Variants in OTUD4 observed in about 807,000 individuals in gnomAD.
The protein encoded by OTUD4 is OTU domain-containing protein 4.
A neutral mutation model predicts 130.4 loss-of-function variants in OTUD4; 24 were observed. The ratio of observed to expected loss-of-function variants is 0.18; its 90% CI spans 0.13 to 0.26. The LOEUF (loss-of-function observed/expected upper bound fraction) is 0.26. Ranked by LOEUF, OTUD4 falls within the 10% of genes least tolerant of loss-of-function variation. OTUD4 has a pLI of 1.00. For missense variants in OTUD4, 1,031 were observed against 1,329.4 expected (o/e 0.78, Z 3.49); for synonymous variants, 420 against 472.5 (o/e 0.89, Z 1.44).
At position 145,136,545 on chromosome 4, in the gene OTUD4, G is replaced by A. The variant is rs1424135158; in HGVS notation, c.*885C>T. 8.3e-6 allele frequency: 1 copy of A among 120,638 alleles called. No homozygotes were observed. Among genetic ancestry groups the A allele is most frequent in the Non-Finnish European group, 1.6e-5 (1 of 62,330 alleles). The allele number at this position is 120,638 out of a possible 1,614,324, so 7.5% of individuals were successfully genotyped here. ...AACATTTCTTCTCACAAAATATTTA[G>A]AATCTGTCAGTGCATTAGTGTTAAA... On this transcript the variant is annotated 3_prime_UTR_variant, in exon 21 of 21. Coordinates refer to ENST00000447906, the MANE Select transcript of OTUD4 (RefSeq NM_001366057.1).
chr4:145,156,390 ATACTC>A (rs1396483563), intron 7 of OTUD4, among the ~76,000 whole-genome samples: 3 of 152,238 alleles, frequency 2.0e-5, no homozygotes, highest in Non-Finnish European at 2.9e-5. Flanking sequence ...TTTATTAAAA[ATACTC>A]TACATCAGCC....
intron 6 of OTUD4, among the ~76,000 whole-genome samples, chr4:145,161,704 T>C (rs1246204374): frequency 2.0e-5 from 3 of 152,136 alleles, no homozygotes. Context: ...GGATGCTACT[T>C]AACATTCTGA....
intron 11 of OTUD4, among the ~76,000 whole-genome samples, chr4:145,151,613 T>G (rs1386144069): frequency 6.6e-6 from 1 of 152,040 alleles, no homozygotes; most frequent in African/African-American, 2.4e-5. Flanking sequence ...ATAGCCTGGG[T>G]GACAGGGCAA....
In OTUD4 at chr4:145,159,548, T is replaced by A; in HGVS notation, c.584A>T (p.Asp195Val). 2 of 1,613,600 alleles carry A rather than the reference T, an allele frequency of 1.2e-6. No individual in the cohort carries two copies. The highest frequency in any genetic ancestry group is 1.7e-6 in the Non-Finnish European group (2 of 1,179,656). Residue 195 changes from aspartate (D) to valine (V), a missense_variant, in exon 7 of 21, where the codon GAT becomes GTT. Around this residue, in one of 3 missense-constraint regions of OTUD4, gnomAD observed 900 missense variants for 1,095.9 expected, o/e 0.82. Coordinates refer to ENST00000447906, the MANE Select transcript of OTUD4 (RefSeq NM_001366057.1). Reference protein sequence around the residue: ...VMELDTLEVADEDNSEISDSE... With the variant: ...VMELDTLEVAVEDNSEISDSE... ...ATCTGATATTTCACTGTTATCTTCATCAGCTACTTCCAACGTGTCTAGTTC... is the reference window on the plus strand; with the variant it reads ...ATCTGATATTTCACTGTTATCTTCAACAGCTACTTCCAACGTGTCTAGTTC...
At chr4:145,161,882 T>A (rs1015755814) in intron 6 of OTUD4, among the ~76,000 whole-genome samples, 1 of 152,230 alleles carries the variant, frequency 6.6e-6, no homozygotes, top group Non-Finnish European at 1.5e-5. Context: ...TAAATCTTTA[T>A]TACCAAAATG....
At chr4:145,178,989 T>C (rs1260275653) in intron 1 of OTUD4, among the ~76,000 whole-genome samples, 1 of 152,112 alleles carries the variant, frequency 6.6e-6, no homozygotes, top group Non-Finnish European at 1.5e-5. Context: ...CTTCGGCAGC[T>C]ATTTTTCAAT....
At chr4:145,140,562 G>A (rs7696066) in intron 19 of OTUD4, among the ~76,000 whole-genome samples, 1 of 152,034 alleles carries the variant, frequency 6.6e-6, no homozygotes, top group African/African-American at 2.4e-5. Context: ...CTAAAAAGGA[G>A]GGAGGTGTAA....
chr4:145,153,628 T>A (rs1364359282), intron 10 of OTUD4, among the ~76,000 whole-genome samples: 1 of 152,218 alleles, frequency 6.6e-6, no homozygotes, highest in Non-Finnish European at 1.5e-5. Context: ...CAATTAATAT[T>A]ACGCAGTTGT....
At chr4:145,151,774 A>G (rs1260590048) in intron 11 of OTUD4, among the ~76,000 whole-genome samples, 1 of 152,206 alleles carries the variant, frequency 6.6e-6, no homozygotes, top group African/African-American at 2.4e-5. Context: ...TTCCACAGTA[A>G]AGTTTAAGGT....
intron 2 of OTUD4, 40 bp downstream of exon 2, chr4:145,174,621 C>T: frequency 8.6e-7 from 1 of 1,163,784 alleles, no homozygotes; most frequent in Non-Finnish European, 1.3e-6. Flanking sequence ...AATGTAAAAC[C>T]AAGTCAAGAC....
At chr4:145,176,185 C>A (rs1330207264) in intron 1 of OTUD4, among the ~76,000 whole-genome samples, 5 of 151,574 alleles carry the variant, frequency 3.3e-5, no homozygotes, top group African/African-American at 1.2e-4. Context: ...CATGAGCCAC[C>A]ACGCCCGGCC....
At position 145,156,991 on chromosome 4, in the gene OTUD4, C is replaced by G. The variant is rs562778126; in HGVS notation, c.630-995G>C. Among the ~76,000 whole-genome samples the G allele has an allele frequency of 5.7e-4, 87 of 152,086 alleles. 3 individuals are homozygous for G. The South Asian group carries it at 0.017, about 30-fold the overall frequency. On this transcript the variant is annotated intron_variant, in intron 7 of 20. Transcript: ENST00000447906. ...TTCATATAAACAGATTCACAGGGCC[C>G]GTGGTAGGACTTGAATATGTGCAGA...
rs1750345465 is a variant in OTUD4, at chr4:145,137,680, T to C, written c.3095A>G (p.Asn1032Ser). 6.2e-7 allele frequency: 1 copy of C among 1,613,918 alleles called. No individual in the cohort carries two copies. Among genetic ancestry groups the C allele is most frequent in the African/African-American group, 1.3e-5 (1 of 74,890 alleles). ...CTTGGATCTACCACTTCTCAAAATA[T>C]TAGACACTTCATTTTCATCTTCTGA... is the stretch of plus-strand genomic sequence containing the variant. ...ESSEDENEVS[N>S]ILRSGRSKQF... Residue 1032 changes from asparagine to serine, a missense_variant, in exon 21 of 21, where the codon AAT becomes AGT. Coordinates refer to ENST00000447906, the MANE Select transcript of OTUD4 (RefSeq NM_001366057.1).
Position 145,169,302 on chromosome 4 carries a change from G to A in OTUD4, c.294+2368C>T, listed in dbSNP as rs1752035893. The stretch of plus-strand genomic sequence containing the variant: ...CACTGTATGTCAATTTTACCTCAAA[G>A]CTGACAAAAACATATTCTCGCACAA... On this transcript the variant is annotated intron_variant, in intron 3 of 20. Coordinates refer to ENST00000447906, the MANE Select transcript of OTUD4 (RefSeq NM_001366057.1). Among the ~76,000 whole-genome samples, 11 of 152,206 alleles carry A rather than the reference G, an allele frequency of 7.2e-5. 1 individual carries two copies. In the South Asian group the frequency reaches 2.3e-3, roughly 32 times the overall value.
At chr4:145,152,435 A>G in intron 11 of OTUD4, 106 bp downstream of exon 11, 6 of 665,912 alleles carry the variant, frequency 9.0e-6, no homozygotes, top group East Asian at 2.8e-5. Context: ...ATACATGGGC[A>G]ATTATCTTTC....
chr4:145,156,118 G>T, intron 7 of OTUD4, 122 bp from the exon 8 acceptor site: 1 of 673,758 alleles, frequency 1.5e-6, no homozygotes, highest in Non-Finnish European at 2.5e-6. Flanking sequence ...ATTCCAGTGA[G>T]CTCATACAAG....
At chr4:145,165,306 CATT>C (rs773978871) in intron 3 of OTUD4, 109 bp from the exon 4 acceptor site, 46 of 626,706 alleles carry the variant, frequency 7.3e-5, no homozygotes, top group African/African-American at 5.1e-4. Context: ...TCTTAAAGCT[CATT>C]ATTATTAGTA....
Position 145,166,038 on chromosome 4 carries a change from A to G in OTUD4, c.295-841T>C, listed in dbSNP as rs1476319865. On this transcript the variant is annotated intron_variant, in intron 3 of 20. Coordinates refer to ENST00000447906, the MANE Select transcript of OTUD4 (RefSeq NM_001366057.1). ...TAGCCGGGTGTGGTGGCCCATGCCT[A>G]TAGTCCTAGCTACTCAAGAGGCTGA... is the stretch of plus-strand genomic sequence containing the variant. Among the ~76,000 whole-genome samples, 3 of 152,058 alleles carry G rather than the reference A, an allele frequency of 2.0e-5. No homozygotes were observed. The East Asian group carries it at 5.9e-4, about 30-fold the overall frequency.
intron 13 of OTUD4, among the ~76,000 whole-genome samples, chr4:145,147,332 G>A (rs1403769882): frequency 2.6e-5 from 4 of 151,834 alleles, no homozygotes; most frequent in Admixed American, 2.6e-4. Context: ...ATTACAATAG[G>A]ACAGATGTCA....
Sources: gnomAD v4.1 joint callset for allele counts (sites outside exome capture counted in the v4.1 genomes callset) on GRCh38, gnomAD v4.1.1 for gene constraint, gnomAD v4.1.1 regional missense constraint, MANE v1.5 for transcripts, NCBI Gene and HGNC (gene_info 2026-07-23, HGNC 2026-07-21) for gene names.